The following CACNA1E variants were observed in gnomAD, a reference collection of about 807,000 sequenced individuals.
The protein encoded by CACNA1E is calcium voltage-gated channel subunit alpha1 E, also known as voltage-dependent R-type calcium channel subunit alpha-1E.
A neutral mutation model predicts 259.2 loss-of-function variants in CACNA1E; 40 were observed. The observed-to-expected ratio is 0.15, with a 90% CI of 0.12 to 0.20. The LOEUF (loss-of-function observed/expected upper bound fraction) is 0.20, where lower values mean the gene tolerates loss of function less well. Among genes scored for constraint, CACNA1E ranks in the 10% least tolerant of loss-of-function variants. CACNA1E has a pLI of 1.00. For synonymous variants in CACNA1E, 1,104 were observed against 1,138.5 expected, an observed-to-expected ratio of 0.97 and a Z score of 0.61; for missense variants, 1,874 against 3,040.1, an observed-to-expected ratio of 0.62 and a Z score of 9.02.
chr1:181,404,339 C>T (rs892868562), intron 1 of CACNA1E, among the ~76,000 whole-genome samples: 1 of 152,190 alleles, frequency 6.6e-6, no homozygotes, highest in Non-Finnish European at 1.5e-5. Flanking sequence ...TGCAGAACGT[C>T]AGGGAACACC....
chr1:181,575,535 C>A (rs74130048), intron 3 of CACNA1E, among the ~76,000 whole-genome samples: 1 of 152,048 alleles, frequency 6.6e-6, no homozygotes, highest in East Asian at 1.9e-4. Flanking sequence ...ACCATTTTTC[C>A]CCTCTACATT....
At chr1:181,767,159 G>A (rs922108221) in intron 35 of CACNA1E, among the ~76,000 whole-genome samples, 3 of 152,132 alleles carry the variant, frequency 2.0e-5, no homozygotes, top group African/African-American at 7.2e-5. Context: ...CTGGCAGCCC[G>A]TTCATTCCTA....
At chr1:181,450,908 T>C (rs1661116150) in intron 2 of CACNA1E, among the ~76,000 whole-genome samples, 1 of 152,200 alleles carries the variant, frequency 6.6e-6, no homozygotes, top group South Asian at 2.1e-4. Flanking sequence ...ATCTGAAAGA[T>C]ATTTAGGAAT....
intron 6 of CACNA1E, among the ~76,000 whole-genome samples, chr1:181,639,019 C>G (rs750797979): frequency 9.9e-5 from 15 of 152,194 alleles, no homozygotes; most frequent in Middle Eastern, 3.4e-3. Flanking sequence ...TAGCACCTCT[C>G]TTGCATGTGG....
chr1:181,459,460 C>T (rs905297654), intron 2 of CACNA1E, among the ~76,000 whole-genome samples: 2 of 152,230 alleles, frequency 1.3e-5, no homozygotes, highest in African/African-American at 2.4e-5. Context: ...AAGCTGCCCA[C>T]GCTGGCCAGT....
chr1:181,729,884 G>C (rs1488443647), intron 18 of CACNA1E, among the ~76,000 whole-genome samples: 1 of 152,228 alleles, frequency 6.6e-6, no homozygotes, highest in Non-Finnish European at 1.5e-5. Flanking sequence ...TGTGCATGCT[G>C]CCTGTCTAAA....
In CACNA1E at chr1:181,800,846, G is replaced by C. The variant is rs1204621044; in HGVS notation, c.*2012G>C. 6.6e-6 allele frequency: 1 copy of C among 152,654 alleles called. No individual in the cohort carries two copies. The highest frequency in any genetic ancestry group is 1.5e-5 in the Non-Finnish European group (1 of 68,074). The allele number at this position is 152,654 out of a possible 1,614,324, so 9.5% of individuals were successfully genotyped here. On this transcript the variant is annotated 3_prime_UTR_variant, in exon 48 of 48. Transcript: ENST00000367573. ...TCTTCTGATACTAATGGAGCTTCAT[G>C]ACCCACGGTCAGCCCCCAAACCAAA...
chr1:181,475,673 T>G (rs1662796547), intron 2 of CACNA1E, among the ~76,000 whole-genome samples: 1 of 152,232 alleles, frequency 6.6e-6, no homozygotes, highest in African/African-American at 2.4e-5. Flanking sequence ...CTAAGGTGTC[T>G]GGCCATTTTA....
chr1:181,666,541 T>C (rs1022394449), intron 7 of CACNA1E, among the ~76,000 whole-genome samples: 19 of 152,280 alleles, frequency 1.2e-4, no homozygotes, highest in Middle Eastern at 3.4e-3. Context: ...ACAATGTTTT[T>C]ACTAAATTAT....
chr1:181,484,329 G>A lies in CACNA1E; in HGVS notation c.266+319G>A, dbSNP rs189983303. Among the ~76,000 whole-genome samples the A allele has an allele frequency of 6.3e-4, 95 of 151,374 alleles. 1 individual carries two copies. The highest frequency in any genetic ancestry group is 1.6e-3 in the African/African-American group (68 of 41,238). ...CCCACCCCTACTCCCTTCACATGCC[G>A]CCCTCTACATAGATTGGGTTGCCCC... is the stretch of plus-strand genomic sequence containing the variant. On this transcript the variant is annotated intron_variant, in intron 1 of 47. Coordinates refer to ENST00000367573, the MANE Select transcript of CACNA1E (RefSeq NM_001205293.3).
At chr1:181,439,030 G>C (rs1356844486) in intron 2 of CACNA1E, among the ~76,000 whole-genome samples, 1 of 152,150 alleles carries the variant, frequency 6.6e-6, no homozygotes, top group Non-Finnish European at 1.5e-5. Context: ...CAACAGTGTT[G>C]AGTAAAAAAC....
intron 18 of CACNA1E, among the ~76,000 whole-genome samples, chr1:181,728,108 T>A (rs928658542): frequency 6.6e-6 from 1 of 152,090 alleles, no homozygotes; most frequent in Non-Finnish European, 1.5e-5. Context: ...GGGCCTTGAG[T>A]AATTTCTACT....
intron 3 of CACNA1E, among the ~76,000 whole-genome samples, chr1:181,539,173 C>T (rs1050615215): frequency 8.5e-5 from 13 of 152,174 alleles, no homozygotes; most frequent in African/African-American, 2.9e-4. Context: ...GCTTCCTCCC[C>T]ATTTCCTTCT....
chr1:181,717,483 T>C (rs1654010825), intron 11 of CACNA1E, among the ~76,000 whole-genome samples, 181 bp downstream of exon 11: 1 of 152,186 alleles, frequency 6.6e-6, no homozygotes, highest in Non-Finnish European at 1.5e-5. Flanking sequence ...CCAGCTTTCA[T>C]TCTTTAGGTA....
Position 181,732,691 on chromosome 1 carries a change from A to T in CACNA1E, c.2605A>T (p.Asn869Tyr). ...DGGDRSSALD[N>Y]QRTPLSLGQR... ...AGGGGACCGATCCAGTGCCCTGGAC[A>T]ACCAGAGGACCCCTTTGTCCCTGGG... The change falls in exon 20 of 48, where the codon AAC becomes TAC. Residue 869 changes from asparagine (N) to tyrosine (Y), a missense_variant. Physicochemically the swap from Asn to Tyr is moderately radical, Grantham distance 143. This residue lies in a region of CACNA1E where 476 missense variants were observed against 514.0 expected (regional missense o/e 0.93). Coordinates refer to ENST00000367573, the MANE Select transcript of CACNA1E (RefSeq NM_001205293.3). The surrounding 1 kb of genome is among the most constrained non-coding windows in gnomAD (Gnocchi z 5.5). 6.5e-7 allele frequency: 1 copy of T among 1,531,136 alleles called. No homozygotes were observed. Among genetic ancestry groups the T allele is most frequent in the Non-Finnish European group, 8.8e-7 (1 of 1,141,024 alleles). 94.8% of individuals were successfully genotyped at this position (1,531,136 alleles called of 1,614,324 possible).
At chr1:181,344,580 G>A (rs1051822682) in intron 1 of CACNA1E, among the ~76,000 whole-genome samples, 1 of 152,170 alleles carries the variant, frequency 6.6e-6, no homozygotes, top group Non-Finnish European at 1.5e-5. Context: ...ATTGCCTCAG[G>A]GGAAAACCAG....
chr1:181,555,074 G>A (rs1303720350), intron 3 of CACNA1E, among the ~76,000 whole-genome samples: 1 of 152,188 alleles, frequency 6.6e-6, no homozygotes, highest in African/African-American at 2.4e-5. Context: ...TCAGACTTCA[G>A]TTGCAGACAC....
intron 29 of CACNA1E, 118 bp downstream of exon 29, chr1:181,756,211 G>A: frequency 2.0e-6 from 2 of 1,020,328 alleles, no homozygotes; most frequent in East Asian, 2.9e-5. Context: ...GAAAGTAAGG[G>A]GTTTTGAGAA....
chr1:181,351,756 C>T (rs571455810), intron 1 of CACNA1E, among the ~76,000 whole-genome samples: 3 of 152,242 alleles, frequency 2.0e-5, no homozygotes, highest in African/African-American at 7.2e-5. Context: ...TCATATCTCC[C>T]TCTGCCTCTC....
Sources: gnomAD v4.1 joint callset for allele counts (sites outside exome capture counted in the v4.1 genomes callset) on GRCh38, gnomAD v4.1.1 for gene constraint, gnomAD v4.1.1 regional missense constraint, Gnocchi (gnomAD v3.1) non-coding constraint, MANE v1.5 for transcripts, NCBI Gene and HGNC (gene_info 2026-07-23, HGNC 2026-07-21) for gene names.